Variants in COMMD1 observed in about 807,000 individuals in gnomAD.
The protein encoded by COMMD1 is copper metabolism domain containing 1, also known as COMM domain-containing protein 1.
Under a neutral mutation model 17.2 loss-of-function variants are expected in COMMD1, and 10 were observed. That is an observed-to-expected ratio of 0.58 (90% CI 0.36 to 0.99). COMMD1 has a LOEUF of 0.99. COMMD1 is among the 50% of genes least tolerant of loss of function. The pLI, the probability that COMMD1 is intolerant of heterozygous loss-of-function variation, is 0.01. For missense variants in COMMD1, 270 were observed against 231.8 expected (o/e 1.17, Z -1.07); for synonymous variants, 97 against 91.6 (o/e 1.06, Z -0.34).
At chr2:61,908,436 G>A (rs955358087) in intron 1 of COMMD1, among the ~76,000 whole-genome samples, 1 of 151,632 alleles carries the variant, frequency 6.6e-6, no homozygotes, top group Non-Finnish European at 1.5e-5. Flanking sequence ...CATGTTGGCC[G>A]GGATGGTTTT....
At chr2:61,906,037 C>G (rs1210825259) in intron 1 of COMMD1, among the ~76,000 whole-genome samples, 179 bp downstream of exon 1, 1 of 152,226 alleles carries the variant, frequency 6.6e-6, no homozygotes, top group Non-Finnish European at 1.5e-5. Flanking sequence ...CGCCCCTTCT[C>G]TCTTTCCTAA....
At chr2:61,888,571 G>A (rs1330595777), upstream of COMMD1, 9 of 1,569,630 alleles carry the variant, frequency 5.7e-6, no homozygotes, top group African/African-American at 1.4e-5. Flanking sequence ...CTGGCCGGCC[G>A]CAGTGTAATA....
rs1443414227 is a variant in COMMD1 at position 61,987,578 on chromosome 2, G to A, written c.181-13123G>A. Among the ~76,000 whole-genome samples the A allele has an allele frequency of 5.9e-5, 9 of 152,272 alleles. No individual in the cohort carries two copies. The East Asian group carries it at 7.7e-4, about 13-fold the overall frequency. On this transcript the variant is annotated intron_variant, in intron 1 of 2. Transcript: ENST00000311832. ...GCTGGACTACCTGGAGCTGAGGGAC[G>A]GGTGACACAAGGACCCCTGTGGCCA...
At chr2:62,110,514 T>C (rs986230955) in intron 2 of COMMD1, among the ~76,000 whole-genome samples, 1 of 152,184 alleles carries the variant, frequency 6.6e-6, no homozygotes, top group African/African-American at 2.4e-5. Context: ...CTGCCCCAAG[T>C]CAAACGTTAG....
chr2:62,010,326 C>T (rs1669244767), intron 2 of COMMD1, among the ~76,000 whole-genome samples: 1 of 151,830 alleles, frequency 6.6e-6, no homozygotes. Flanking sequence ...ATCTCTTTTG[C>T]AGCTTCCTTC....
chr2:61,924,633 A>C (rs1670280863), intron 1 of COMMD1, among the ~76,000 whole-genome samples: 1 of 152,120 alleles, frequency 6.6e-6, no homozygotes, highest in Non-Finnish European at 1.5e-5. Context: ...TGAGTGAAGA[A>C]AGCCTGAACA....
At chr2:62,113,039 GA>G (rs1275996214) in intron 2 of COMMD1, among the ~76,000 whole-genome samples, 8 of 152,106 alleles carry the variant, frequency 5.3e-5, no homozygotes, top group African/African-American at 1.9e-4. Flanking sequence ...TTTTCTCCTT[GA>G]ATTAAAGATG....
At chr2:62,022,864 C>T (rs925202546) in intron 2 of COMMD1, among the ~76,000 whole-genome samples, 3 of 152,196 alleles carry the variant, frequency 2.0e-5, no homozygotes, top group East Asian at 1.9e-4. Flanking sequence ...AAGTGCTAGT[C>T]GCTGAGTTTC....
intron 1 of COMMD1, among the ~76,000 whole-genome samples, chr2:61,951,299 A>G (rs1424675950): frequency 6.6e-6 from 1 of 152,150 alleles, no homozygotes; most frequent in Admixed American, 6.6e-5. Flanking sequence ...CTTTGTCTCT[A>G]CTAAAAATAC....
At chr2:62,121,341 A>C (rs1326812232) in intron 2 of COMMD1, among the ~76,000 whole-genome samples, 1 of 138,482 alleles carries the variant, frequency 7.2e-6, no homozygotes, top group Non-Finnish European at 1.6e-5. Flanking sequence ...CTACACTCCA[A>C]CCTGGGCAAC....
chr2:61,979,828 A>G (rs1179159078), intron 1 of COMMD1, among the ~76,000 whole-genome samples: 1 of 143,656 alleles, frequency 7.0e-6, no homozygotes, highest in Non-Finnish European at 1.5e-5. Context: ...TACATGTGCC[A>G]TGCTGGTGCG....
chr2:61,935,443 A>C (rs1167211709), intron 1 of COMMD1, among the ~76,000 whole-genome samples: 1 of 152,166 alleles, frequency 6.6e-6, no homozygotes, highest in Non-Finnish European at 1.5e-5. Flanking sequence ...AGCCTGGCCA[A>C]CATGGTGAAA....
chr2:61,905,656 G>A (rs921798003), upstream of COMMD1: 12 of 1,525,004 alleles, frequency 7.9e-6, no homozygotes, highest in African/African-American at 1.2e-4. Flanking sequence ...CTCAGCTGTT[G>A]CGGGGCGGGG....
intron 2 of COMMD1, among the ~76,000 whole-genome samples, chr2:62,130,435 CT>C (rs1212235359): frequency 6.6e-6 from 1 of 152,012 alleles, no homozygotes; most frequent in Non-Finnish European, 1.5e-5. Flanking sequence ...CCTATGTGGC[CT>C]TTTTGAATCA....
At chr2:61,997,933 TTAGTG>T (rs1668810499) in intron 1 of COMMD1, among the ~76,000 whole-genome samples, 1 of 152,248 alleles carries the variant, frequency 6.6e-6, no homozygotes, top group African/African-American at 2.4e-5. Flanking sequence ...AACCTTTTGT[TTAGTG>T]TAACCACGTT....
intron 1 of COMMD1, among the ~76,000 whole-genome samples, chr2:61,937,315 A>C (rs1421709908): frequency 6.6e-6 from 1 of 152,172 alleles, no homozygotes; most frequent in Non-Finnish European, 1.5e-5. Flanking sequence ...AAGTGCATTC[A>C]AATGGTTGTG....
At chr2:62,043,155 T>C (rs145005897) in intron 2 of COMMD1, among the ~76,000 whole-genome samples, 1 of 152,230 alleles carries the variant, frequency 6.6e-6, no homozygotes, top group Non-Finnish European at 1.5e-5. Flanking sequence ...CCAGTGACAC[T>C]GGATATAGCT....
At chr2:62,128,656 TATAAG>T in intron 2 of COMMD1, among the ~76,000 whole-genome samples, 2 of 151,976 alleles carry the variant, frequency 1.3e-5, no homozygotes, top group East Asian at 3.9e-4. Flanking sequence ...AGTGCTACCA[TATAAG>T]ATATTTCAAG....
At chr2:61,908,227 C>CTTTT (rs939199316) in intron 1 of COMMD1, among the ~76,000 whole-genome samples, 1 of 135,258 alleles carries the variant, frequency 7.4e-6, no homozygotes, top group African/African-American at 2.7e-5. Context: ...TTATTGAACT[C>CTTTT]TTTTTTTTTT....
Sources: gnomAD v4.1 joint callset for allele counts (sites outside exome capture counted in the v4.1 genomes callset) on GRCh38, gnomAD v4.1.1 for gene constraint, MANE v1.5 for transcripts, NCBI Gene and HGNC (gene_info 2026-07-23, HGNC 2026-07-21) for gene names.